CTNNA2: variants seen among roughly 807,000 people sequenced by gnomAD.
CTNNA2 encodes the protein catenin alpha-2.
In CTNNA2, 42 loss-of-function variants were observed where a neutral mutation model predicts 101.0. The ratio of observed to expected loss-of-function variants is 0.42; its 90% confidence interval spans 0.32 to 0.54. CTNNA2 has a LOEUF of 0.54. CTNNA2 is among the 20% of genes least tolerant of loss of function. CTNNA2 has a pLI of 0.14. For missense variants in CTNNA2, 871 were observed against 1,223.1 expected (o/e 0.71, Z 4.29); for synonymous variants, 450 against 456.4 (o/e 0.99, Z 0.18).
At chr2:79,505,640 T>G (rs1211397035) in intron 5 of CTNNA2, among the ~76,000 whole-genome samples, 1 of 152,188 alleles carries the variant, frequency 6.6e-6, no homozygotes, top group Non-Finnish European at 1.5e-5. Flanking sequence ...GGAAGTCCAG[T>G]TAGACAAGGT....
intron 2 of CTNNA2, among the ~76,000 whole-genome samples, chr2:79,716,104 G>A (rs1686083516): frequency 6.6e-6 from 1 of 152,056 alleles, no homozygotes; most frequent in Non-Finnish European, 1.5e-5. Context: ...AGATGACGTA[G>A]TGAACTAATT....
chr2:79,259,579 G>A lies in CTNNA2; in HGVS notation c.-405-53130G>A, dbSNP rs547901064. Among the ~76,000 whole-genome samples the A allele has an allele frequency of 9.2e-5, 14 of 152,220 alleles. No individual in the cohort carries two copies. The South Asian group carries it at 1.2e-3, about 14-fold the overall frequency. On this transcript the variant is annotated intron_variant, in intron 2 of 21. Coordinates refer to the CTNNA2 transcript ENST00000466387. Reference sequence around the variant, plus strand: ...TGAGGATGATTTTATTGCCAGGAACGCCCAGGATCCTGCAGGAGATAGGGT... The same window carrying A: ...TGAGGATGATTTTATTGCCAGGAACACCCAGGATCCTGCAGGAGATAGGGT...
chr2:80,377,146 A>T (rs765314981), intron 7 of CTNNA2, among the ~76,000 whole-genome samples: 1 of 152,202 alleles, frequency 6.6e-6, no homozygotes, highest in African/African-American at 2.4e-5. Flanking sequence ...AAAATTTCAC[A>T]AGTGTTAAAT....
intron 7 of CTNNA2, among the ~76,000 whole-genome samples, chr2:80,133,264 C>T (rs1272409048): frequency 6.6e-6 from 1 of 152,076 alleles, no homozygotes; most frequent in Non-Finnish European, 1.5e-5. Context: ...AAGGATTCTC[C>T]CCTAGAGGGT....
intron 7 of CTNNA2, among the ~76,000 whole-genome samples, chr2:80,009,352 T>C (rs1021734390): frequency 4.6e-5 from 7 of 152,178 alleles, no homozygotes; most frequent in Non-Finnish European, 1.0e-4. Context: ...CAAATGCCAT[T>C]TCTCTTCTGA....
chr2:79,501,568 C>T (rs1192165520), intron 4 of CTNNA2, among the ~76,000 whole-genome samples: 2 of 152,096 alleles, frequency 1.3e-5, no homozygotes, highest in South Asian at 4.1e-4. Flanking sequence ...TAATACTGCA[C>T]TAGATTGCTT....
intron 7 of CTNNA2, among the ~76,000 whole-genome samples, chr2:80,035,363 A>T (rs975331406): frequency 2.0e-5 from 3 of 152,202 alleles, no homozygotes; most frequent in Non-Finnish European, 2.9e-5. Context: ...CCTAAAAAAA[A>T]TTGGGAAGAT....
At chr2:80,451,157 C>A (rs569234897) in intron 9 of CTNNA2, among the ~76,000 whole-genome samples, 1 of 151,994 alleles carries the variant, frequency 6.6e-6, no homozygotes, top group African/African-American at 2.4e-5. Context: ...CTGACTGATA[C>A]GGTTTGGCTG....
intron 9 of CTNNA2, among the ~76,000 whole-genome samples, chr2:80,450,994 G>T (rs1488806995): frequency 6.8e-6 from 1 of 147,568 alleles, no homozygotes; most frequent in Admixed American, 6.8e-5. Context: ...AAAAAAAAAA[G>T]TACTTTTCCC....
intron 1 of CTNNA2, among the ~76,000 whole-genome samples, chr2:79,632,857 TC>T (rs1243371966): frequency 6.6e-6 from 1 of 152,174 alleles, no homozygotes; most frequent in East Asian, 1.9e-4. Flanking sequence ...AATAAATATT[TC>T]ATATGTGTGG....
chr2:79,611,194 T>C (rs1416237094), intron 1 of CTNNA2, among the ~76,000 whole-genome samples: 1 of 152,168 alleles, frequency 6.6e-6, no homozygotes, highest in Admixed American at 6.5e-5. Context: ...GAAGAAAAGA[T>C]GGGATAAAAC....
chr2:79,849,290 G>T (rs1047692995), intron 3 of CTNNA2, among the ~76,000 whole-genome samples: 1 of 148,030 alleles, frequency 6.8e-6, no homozygotes, highest in African/African-American at 2.6e-5. Context: ...TGCATGATAG[G>T]GTTTTTTTTT....
At chr2:79,249,506 G>T (rs930010090) in intron 2 of CTNNA2, among the ~76,000 whole-genome samples, 6 of 152,098 alleles carry the variant, frequency 3.9e-5, no homozygotes, top group Non-Finnish European at 8.8e-5. Context: ...CTTTCCCTGG[G>T]CTTTTCTTTG....
chr2:80,058,170 T>C (rs1697351587), intron 7 of CTNNA2, among the ~76,000 whole-genome samples: 1 of 152,350 alleles, frequency 6.6e-6, no homozygotes, highest in East Asian at 1.9e-4. Flanking sequence ...TCTTGAGAGC[T>C]GTAATAGGAT....
intron 3 of CTNNA2, among the ~76,000 whole-genome samples, chr2:79,790,244 T>C (rs1675166937): frequency 6.6e-6 from 1 of 152,048 alleles, no homozygotes; most frequent in African/African-American, 2.4e-5. Context: ...CTAGGAACTG[T>C]TTAAGAGCTG....
At chr2:79,896,346 A>G (rs1253618256) in intron 6 of CTNNA2, among the ~76,000 whole-genome samples, 2 of 152,150 alleles carry the variant, frequency 1.3e-5, no homozygotes, top group African/African-American at 4.8e-5. Flanking sequence ...CCCCATTCCA[A>G]TAATTCTGAA....
chr2:79,487,726 C>G (rs1365807434), intron 4 of CTNNA2, among the ~76,000 whole-genome samples: 1 of 152,174 alleles, frequency 6.6e-6, no homozygotes, highest in African/African-American at 2.4e-5. Context: ...CTCACTACCA[C>G]TGCATAGACA....
chr2:79,535,439 C>T (rs1672997215), intron 1 of CTNNA2, among the ~76,000 whole-genome samples: 2 of 151,880 alleles, frequency 1.3e-5, no homozygotes, highest in Middle Eastern at 3.4e-3. Flanking sequence ...CTCCTGACCT[C>T]GTGATCCGCC....
At chr2:79,944,216 A>G (rs891786104) in intron 7 of CTNNA2, among the ~76,000 whole-genome samples, 2 of 152,200 alleles carry the variant, frequency 1.3e-5, no homozygotes, top group African/African-American at 4.8e-5. Context: ...CACAGACTTT[A>G]AAACCTGCAC....
Sources: allele counts gnomAD v4.1 joint callset (sites outside exome capture counted in the v4.1 genomes callset), GRCh38; gene constraint gnomAD v4.1.1; transcripts MANE v1.5; gene names NCBI Gene and HGNC (gene_info 2026-07-23, HGNC 2026-07-21).